Variants in MYH11 observed in about 807,000 individuals in gnomAD.
The protein encoded by MYH11 is myosin-11.
In MYH11, 80 loss-of-function variants were observed where a neutral mutation model predicts 246.6. That is an observed-to-expected ratio of 0.32 (90% confidence interval 0.27 to 0.39). MYH11 has a LOEUF of 0.39. Among genes scored for constraint, MYH11 ranks in the 10% least tolerant of loss-of-function variants. MYH11 has a pLI of 1.00. For missense variants in MYH11, 2,158 were observed against 2,546.8 expected, an observed-to-expected ratio of 0.85 and a Z score of 3.29; for synonymous variants, 1,071 against 1,015.5, an observed-to-expected ratio of 1.05 and a Z score of -1.04.
At chr16:15,760,484 G>T (rs1324614272) in intron 11 of MYH11, 56 bp downstream of exon 11, 3 of 1,290,964 alleles carry the variant, frequency 2.3e-6, no homozygotes, top group African/African-American at 2.9e-5. Flanking sequence ...TGGATAGATG[G>T]ATGAATGGAT....
intron 1 of MYH11, among the ~76,000 whole-genome samples, chr16:15,855,711 T>G (rs914844736): frequency 6.6e-6 from 1 of 152,360 alleles, no homozygotes; most frequent in South Asian, 2.1e-4. Flanking sequence ...ATTCTCTATC[T>G]TATTTCACAC....
intron 34 of MYH11, 64 bp from the exon 35 acceptor site, chr16:15,719,777 T>A: frequency 6.2e-7 from 1 of 1,607,914 alleles, no homozygotes; most frequent in South Asian, 1.1e-5. Flanking sequence ...TGCTGCCCAG[T>A]TCAGCTTTGC....
At chr16:15,761,335 A>C (rs941643460) in intron 10 of MYH11, among the ~76,000 whole-genome samples, 52 of 152,164 alleles carry the variant, frequency 3.4e-4, no homozygotes, top group African/African-American at 1.2e-3. Flanking sequence ...CTGGTCTCGA[A>C]GTCCTGAACT....
At chr16:15,711,725 G>C (rs142201733) in intron 40 of MYH11, among the ~76,000 whole-genome samples, 2 of 152,104 alleles carry the variant, frequency 1.3e-5, no homozygotes, top group East Asian at 3.9e-4. Flanking sequence ...CCGAGTTTTG[G>C]TCTGTCACCC....
chr16:15,846,868 C>T (rs2044202963), intron 1 of MYH11, among the ~76,000 whole-genome samples: 1 of 152,018 alleles, frequency 6.6e-6, no homozygotes, highest in Non-Finnish European at 1.5e-5. Context: ...GTGGGAGGAT[C>T]ACTTAAGCTC....
intron 2 of MYH11, among the ~76,000 whole-genome samples, chr16:15,828,265 C>T (rs770358600): frequency 3.3e-4 from 50 of 152,130 alleles, no homozygotes; most frequent in Non-Finnish European, 6.5e-4. Context: ...TTTAGCATGG[C>T]GGCTGGTATG....
Position 15,724,176 on chromosome 16 carries a change from C to T in MYH11, c.4350G>A (p.Gln1450=). The change falls in exon 31 of 41, where the codon CAG becomes CAA. Residue 1450 remains glutamine, a synonymous_variant. Transcript: ENST00000300036. The part of the protein sequence containing the change: ...RQLVSNLEKK[Q]RKFDQLLAEE... ...CGCCCTCTACCTGATCAAATTTCCT[C>T]TGCTTCTTTTCCAGGTTGGACACGA... The T allele has an allele frequency of 1.2e-6, 2 of 1,613,820 alleles. No homozygotes were observed. Among genetic ancestry groups the T allele is most frequent in the South Asian group, 1.1e-5 (1 of 91,062 alleles).
At chr16:15,790,076 G>A (rs1459886056) in intron 4 of MYH11, among the ~76,000 whole-genome samples, 2 of 152,186 alleles carry the variant, frequency 1.3e-5, no homozygotes, top group Non-Finnish European at 2.9e-5. Context: ...AGGCTGAGGC[G>A]GGTGGATCAC....
chr16:15,784,011 G>C (rs1459884398), intron 5 of MYH11, among the ~76,000 whole-genome samples: 1 of 152,114 alleles, frequency 6.6e-6, no homozygotes, highest in Non-Finnish European at 1.5e-5. Context: ...AGCCCCCCAA[G>C]CTCTGTGTTA....
intron 4 of MYH11, among the ~76,000 whole-genome samples, chr16:15,793,623 T>C (rs1334907792): frequency 5.0e-5 from 7 of 138,762 alleles, no homozygotes; most frequent in African/African-American, 1.4e-4. Context: ...TTCTTTTTTT[T>C]TTTTTTTTTT....
intron 40 of MYH11, chr16:15,711,006 T>A (rs964625034): frequency 1.3e-5 from 2 of 152,382 alleles, no homozygotes; most frequent in Admixed American, 6.6e-5. Context: ...AGAACAGCTC[T>A]CCTCCACTGA....
chr16:15,817,896 T>G (rs1320851620), intron 3 of MYH11, among the ~76,000 whole-genome samples: 1 of 152,184 alleles, frequency 6.6e-6, no homozygotes. Context: ...AAGCCCCACC[T>G]CTCTCAAATA....
At chr16:15,704,716 T>C (rs1458355955) in intron 40 of MYH11, among the ~76,000 whole-genome samples, 1 of 152,126 alleles carries the variant, frequency 6.6e-6, no homozygotes, top group Non-Finnish European at 1.5e-5. Flanking sequence ...TGAATGTTCA[T>C]GGACTGAGTT....
At chr16:15,724,581 G>C (rs1295555708) in intron 30 of MYH11, 66 bp downstream of exon 30, 7 of 1,610,866 alleles carry the variant, frequency 4.3e-6, no homozygotes, top group Non-Finnish European at 5.9e-6. Context: ...CGATCTGCCT[G>C]CGGGGGATCT....
chr16:15,727,070 G>C lies in MYH11; in HGVS notation c.3652-16C>G. On this transcript the variant is annotated splice_polypyrimidine_tract_variant and intron_variant, in intron 27 of 40. Coordinates refer to ENST00000300036, the MANE Select transcript of MYH11 (RefSeq NM_002474.3). ...TCGCCTTGGCCTGGCGAAGGAAGCA[G>C]AGGGGAGGGATAACAGGGAGGCTGT... The C allele has an allele frequency of 6.2e-7, 1 of 1,612,176 alleles. No homozygotes were observed.
rs2039464084 is a variant in MYH11 at position 15,706,512 on chromosome 16, A to C, written c.5787-2389T>G. ...CTCGTGAGGTCAGTTGTTCGAGGCC[A>C]TCCTGGCCAATATGGTGAAACCCCG... On this transcript the variant is annotated intron_variant, in intron 40 of 40. Coordinates refer to ENST00000300036, the MANE Select transcript of MYH11 (RefSeq NM_002474.3). Among the ~76,000 whole-genome samples the C allele has an allele frequency of 2.6e-5, 4 of 152,150 alleles. 1 individual carries two copies. In the South Asian group the frequency reaches 8.3e-4, roughly 31 times the overall value.
At chr16:15,716,971 C>G (rs2040185492) in intron 38 of MYH11, among the ~76,000 whole-genome samples, 169 bp downstream of exon 38, 1 of 152,228 alleles carries the variant, frequency 6.6e-6, no homozygotes, top group African/African-American at 2.4e-5. Context: ...CAGCAGGGCA[C>G]TTTGCTGTGT....
At chr16:15,794,120 A>G (rs1567179919) in intron 4 of MYH11, among the ~76,000 whole-genome samples, 1 of 117,472 alleles carries the variant, frequency 8.5e-6, no homozygotes. Flanking sequence ...ATTTTTTTGT[A>G]TTTTTTTAGT....
At chr16:15,760,417 G>A in intron 11 of MYH11, 123 bp downstream of exon 11, 2 of 822,900 alleles carry the variant, frequency 2.4e-6, no homozygotes, top group East Asian at 2.4e-5. Context: ...TGGATGGACA[G>A]ATGCAGAGGC....
Sources: gnomAD v4.1 joint callset for allele counts (sites outside exome capture counted in the v4.1 genomes callset) on GRCh38, gnomAD v4.1.1 for gene constraint, MANE v1.5 for transcripts, NCBI Gene and HGNC (gene_info 2026-07-23, HGNC 2026-07-21) for gene names.